PTPRK: variants seen among roughly 807,000 people sequenced by gnomAD.
PTPRK encodes the protein protein tyrosine phosphatase receptor type K, also known as receptor-type tyrosine-protein phosphatase kappa.
Under a neutral mutation model 178.0 loss-of-function variants are expected in PTPRK, and 75 were observed. The observed-to-expected ratio is 0.42, with a 90% CI of 0.35 to 0.51. PTPRK has a LOEUF of 0.51. Among genes scored for constraint, PTPRK ranks in the 20% least tolerant of loss-of-function variants. The pLI is 0.02. For missense variants in PTPRK, 1,441 were observed against 1,797.8 expected (o/e 0.80, Z 3.59); for synonymous variants, 637 against 620.6 (o/e 1.03, Z -0.39).
intron 13 of PTPRK, among the ~76,000 whole-genome samples, chr6:128,013,155 C>T (rs999431735): frequency 1.3e-5 from 2 of 151,278 alleles, no homozygotes; most frequent in African/African-American, 4.8e-5. Flanking sequence ...CACCCTTTTC[C>T]TGGGACTTCC....
intron 7 of PTPRK, among the ~76,000 whole-genome samples, chr6:128,176,723 T>A (rs955127199): frequency 6.6e-6 from 1 of 151,778 alleles, no homozygotes; most frequent in Admixed American, 6.6e-5. Flanking sequence ...CCAGCAATTA[T>A]TAGCCATGAT....
chr6:128,456,441 T>TAA (rs202135665), intron 1 of PTPRK, among the ~76,000 whole-genome samples: 1 of 151,154 alleles, frequency 6.6e-6, no homozygotes, highest in Non-Finnish European at 1.5e-5. Context: ...TTACCCTGAG[T>TAA]AAAAAAAATG....
intron 7 of PTPRK, among the ~76,000 whole-genome samples, chr6:128,100,313 TG>T (rs1430770720): frequency 3.3e-5 from 5 of 151,986 alleles, no homozygotes; most frequent in Non-Finnish European, 5.9e-5. Context: ...TTTGAGATAA[TG>T]GAATGAAGAC....
chr6:128,114,114 T>C (rs1202526360), intron 7 of PTPRK, among the ~76,000 whole-genome samples: 4 of 151,940 alleles, frequency 2.6e-5, no homozygotes, highest in Non-Finnish European at 5.9e-5. Flanking sequence ...GTATTCCAGA[T>C]TGTATTAGTG....
chr6:128,420,496 T>C (rs1324794446), intron 1 of PTPRK, among the ~76,000 whole-genome samples: 1 of 152,186 alleles, frequency 6.6e-6, no homozygotes, highest in East Asian at 1.9e-4. Flanking sequence ...ATATGGAACA[T>C]GCTTTGATGA....
Position 128,364,839 on chromosome 6 carries a change from G to A in PTPRK, c.223+32727C>T, listed in dbSNP as rs562233127. On this transcript the variant is annotated intron_variant, in intron 2 of 29. Transcript: ENST00000368226. ...TTAGGGTAACCCAAACGCCCATGAA[G>A]TCTTTAATATTGTGAACCAAGTTTT... 4.6e-5 allele frequency among the ~76,000 whole-genome samples: 7 copies of A among 152,046 alleles called. No individual in the cohort carries two copies. The South Asian group carries it at 1.5e-3, about 32-fold the overall frequency.
intron 6 of PTPRK, among the ~76,000 whole-genome samples, chr6:128,195,050 A>G (rs527641941): frequency 6.6e-6 from 1 of 150,812 alleles, no homozygotes; most frequent in South Asian, 2.1e-4. Flanking sequence ...ACATATGTAA[A>G]TATATGTGAT....
chr6:128,175,125 AG>A (rs1800867375), intron 7 of PTPRK, among the ~76,000 whole-genome samples: 1 of 151,954 alleles, frequency 6.6e-6, no homozygotes, highest in Non-Finnish European at 1.5e-5. Context: ...CTCATGTAAA[AG>A]AAAAGCTTAA....
At chr6:127,998,689 C>A in intron 16 of PTPRK, 31 bp downstream of exon 16, 1 of 1,501,036 alleles carries the variant, frequency 6.7e-7, no homozygotes, top group Non-Finnish European at 9.0e-7. Flanking sequence ...AGTTAAAAAT[C>A]AAATTCAATA....
intron 15 of PTPRK, among the ~76,000 whole-genome samples, chr6:128,004,812 G>A (rs1778235069): frequency 1.3e-5 from 2 of 151,822 alleles, no homozygotes; most frequent in Middle Eastern, 3.4e-3. Flanking sequence ...TTAAAGCAAT[G>A]ACACGTGCTA....
chr6:128,400,050 G>C (rs891378264), intron 1 of PTPRK, among the ~76,000 whole-genome samples: 2 of 152,026 alleles, frequency 1.3e-5, no homozygotes, highest in Non-Finnish European at 2.9e-5. Flanking sequence ...GTATTTCAAG[G>C]TTAAGGGCAA....
chr6:128,137,961 G>T (rs1795246424), intron 7 of PTPRK, among the ~76,000 whole-genome samples: 1 of 151,954 alleles, frequency 6.6e-6, no homozygotes, highest in South Asian at 2.1e-4. Flanking sequence ...TATTTTTCTT[G>T]CCCATTTGAA....
intron 7 of PTPRK, among the ~76,000 whole-genome samples, chr6:128,150,598 C>A (rs1025360874): frequency 5.3e-5 from 8 of 152,092 alleles, no homozygotes; most frequent in African/African-American, 1.9e-4. Flanking sequence ...TTGACACTTT[C>A]AAACAGCTGA....
At chr6:128,146,306 T>C (rs1338152893) in intron 7 of PTPRK, among the ~76,000 whole-genome samples, 1 of 152,176 alleles carries the variant, frequency 6.6e-6, no homozygotes, top group Admixed American at 6.5e-5. Flanking sequence ...CTTTATATAT[T>C]TCAATAAACC....
At chr6:127,998,275 G>C (rs1166606433) in intron 16 of PTPRK, among the ~76,000 whole-genome samples, 1 of 151,884 alleles carries the variant, frequency 6.6e-6, no homozygotes, top group Non-Finnish European at 1.5e-5. Flanking sequence ...GTGGCAAGTA[G>C]TATATTTAGA....
At chr6:128,225,953 A>G (rs948533809) in intron 5 of PTPRK, among the ~76,000 whole-genome samples, 2 of 152,168 alleles carry the variant, frequency 1.3e-5, no homozygotes, top group Non-Finnish European at 2.9e-5. Context: ...CAAATACTAG[A>G]ATCAGATTAA....
chr6:128,470,032 C>A (rs915139355), intron 1 of PTPRK, among the ~76,000 whole-genome samples: 6 of 152,036 alleles, frequency 3.9e-5, no homozygotes, highest in Admixed American at 3.9e-4. Context: ...TGTTTTACGC[C>A]GCTAACTTTG....
chr6:128,406,209 T>C (rs1355379260), intron 1 of PTPRK, among the ~76,000 whole-genome samples: 1 of 151,888 alleles, frequency 6.6e-6, no homozygotes, highest in Non-Finnish European at 1.5e-5. Flanking sequence ...GCCATGATCA[T>C]ACCACTGCAC....
chr6:128,150,124 C>T (rs574571340), intron 7 of PTPRK, among the ~76,000 whole-genome samples: 25 of 152,108 alleles, frequency 1.6e-4, no homozygotes, highest in African/African-American at 4.1e-4. Flanking sequence ...AGAAGTTTAG[C>T]GGATCTGGTT....
Sources: allele counts gnomAD v4.1 joint callset (sites outside exome capture counted in the v4.1 genomes callset), GRCh38; gene constraint gnomAD v4.1.1; transcripts MANE v1.5; gene names NCBI Gene and HGNC (gene_info 2026-07-23, HGNC 2026-07-21).